The following CNKSR2 variants were observed in gnomAD, a reference collection of about 807,000 sequenced individuals.
CNKSR2 encodes connector enhancer of kinase suppressor of Ras 2.
CNKSR2 carries 14 observed loss-of-function variants against 84.4 expected under a neutral mutation model. The observed-to-expected ratio is 0.17, with a 90% CI of 0.11 to 0.26. CNKSR2 has a LOEUF of 0.26. Ranked by LOEUF, CNKSR2 falls within the 10% of genes least tolerant of loss-of-function variation. The pLI, the probability that CNKSR2 is intolerant of heterozygous loss-of-function variation, is 1.00. For synonymous variants in CNKSR2, 275 were observed against 277.9 expected (o/e 0.99, Z 0.10); for missense variants, 485 against 771.2 (o/e 0.63, Z 4.40).
chrX:21,471,281 A>T (rs1467967164), intron 5 of CNKSR2, among the ~76,000 whole-genome samples: 1 of 112,279 alleles, frequency 8.9e-6, no homozygotes, highest in Non-Finnish European at 1.9e-5. Context: ...TCAGTTAATG[A>T]CTTTACATAT....
chrX:21,569,826 A>G (rs2092270689), intron 13 of CNKSR2, among the ~76,000 whole-genome samples: 1 of 112,406 alleles, frequency 8.9e-6, no homozygotes, highest in East Asian at 2.8e-4. Flanking sequence ...TTAACCTTGT[A>G]CATCTCCAAC....
chrX:21,520,897 G>T (rs1465870140), intron 9 of CNKSR2, among the ~76,000 whole-genome samples: 1 of 109,725 alleles, frequency 9.1e-6, no homozygotes, highest in East Asian at 2.8e-4. Flanking sequence ...GTGATTTTGT[G>T]TTTTTCCATT....
chrX:21,416,534 A>G (rs1226906716), intron 1 of CNKSR2, among the ~76,000 whole-genome samples: 3 of 111,322 alleles, frequency 2.7e-5, no homozygotes, highest in Admixed American at 9.5e-5. Flanking sequence ...AATATTTGGT[A>G]GAGTTCACCT....
intron 4 of CNKSR2, among the ~76,000 whole-genome samples, chrX:21,467,760 A>T (rs1034890679): frequency 8.1e-5 from 9 of 110,804 alleles, no homozygotes; most frequent in Admixed American, 7.7e-4. Flanking sequence ...ATCACCTCAT[A>T]TATCTCCCTT....
intron 11 of CNKSR2, among the ~76,000 whole-genome samples, chrX:21,560,266 C>T (rs1334620766): frequency 9.0e-6 from 1 of 110,658 alleles, no homozygotes; most frequent in African/African-American, 3.3e-5. Context: ...GAGAGAGAAC[C>T]TCAAGAAACT....
In CNKSR2 at chrX:21,606,834, A is replaced by G. The variant is rs779095649; in HGVS notation, c.2100A>G (p.Gln700=). ...EEADTPSTPK[Q]DSPPPPYDTY... ...CAGATACTCCATCAACACCAAAACA[A>G]GATAGCCCTCCACCCCCATATGATA... Residue 700 remains glutamine, a synonymous_variant, in exon 19 of 22, where the codon CAA becomes CAG. Coordinates refer to ENST00000379510, the MANE Select transcript of CNKSR2 (RefSeq NM_014927.5). 87 of 1,200,343 alleles carry G rather than the reference A, an allele frequency of 7.2e-5. No homozygotes were observed. Among genetic ancestry groups the G allele is most frequent in the Middle Eastern group, 2.3e-4 (1 of 4,346 alleles).
At chrX:21,642,943 A>G (rs2092696321) in intron 20 of CNKSR2, 1 of 433,092 alleles carries the variant, frequency 2.3e-6, no homozygotes, top group Non-Finnish European at 2.9e-6. Context: ...GTATATAGAA[A>G]TCCATCAAAA....
chrX:21,406,085 G>A (rs914240239), intron 1 of CNKSR2, among the ~76,000 whole-genome samples: 4 of 111,224 alleles, frequency 3.6e-5, no homozygotes, highest in Non-Finnish European at 5.7e-5. Context: ...CGGCACAGCA[G>A]GAGGTGTGTG....
intron 1 of CNKSR2, among the ~76,000 whole-genome samples, chrX:21,412,501 G>A (rs892812082): frequency 1.2e-4 from 13 of 112,030 alleles, no homozygotes; most frequent in African/African-American, 3.9e-4. Context: ...AAAGATAGCC[G>A]TGTTAAGTCC....
At chrX:21,462,823 C>T (rs1425366864) in intron 4 of CNKSR2, among the ~76,000 whole-genome samples, 2 of 107,389 alleles carry the variant, frequency 1.9e-5, no homozygotes, top group Admixed American at 1.0e-4. Context: ...AAGTGATTCT[C>T]CTGCCTCACC....
intron 1 of CNKSR2, among the ~76,000 whole-genome samples, chrX:21,396,816 G>A (rs1308967110): frequency 9.0e-6 from 1 of 111,462 alleles, no homozygotes; most frequent in African/African-American, 3.3e-5. Flanking sequence ...AGCAAAATTA[G>A]TATGGCAAAT....
At chrX:21,563,566 G>C (rs774484228) in intron 13 of CNKSR2, 114 bp downstream of exon 13, 2 of 549,886 alleles carry the variant, frequency 3.6e-6, no homozygotes, top group Admixed American at 4.1e-5. Context: ...TCACAAAAGA[G>C]CCTAACTTTA....
chrX:21,469,662 G>A (rs2091173134), intron 4 of CNKSR2, among the ~76,000 whole-genome samples: 1 of 110,873 alleles, frequency 9.0e-6, no homozygotes, highest in African/African-American at 3.3e-5. Flanking sequence ...TGTAATCCCA[G>A]CACTTTGATC....
intron 20 of CNKSR2, among the ~76,000 whole-genome samples, chrX:21,618,635 CT>C (rs1295833088): frequency 3.6e-5 from 4 of 111,647 alleles, no homozygotes; most frequent in Non-Finnish European, 7.5e-5. Flanking sequence ...GACTTCAGAG[CT>C]TTTAGAGCCA....
chrX:21,641,500 T>C, intron 20 of CNKSR2: 1 of 1,169,676 alleles, frequency 8.5e-7, no homozygotes, highest in Non-Finnish European at 1.1e-6. Flanking sequence ...CGCAGGTCTT[T>C]CATCATATTG....
At chrX:21,529,899 G>A (rs186700903) in intron 10 of CNKSR2, among the ~76,000 whole-genome samples, 1 of 110,861 alleles carries the variant, frequency 9.0e-6, no homozygotes, top group Non-Finnish European at 1.9e-5. Flanking sequence ...GCCACAAGAT[G>A]TTTCCATATA....
At chrX:21,521,919 A>G (rs190560952) in intron 9 of CNKSR2, among the ~76,000 whole-genome samples, 49 of 110,985 alleles carry the variant, frequency 4.4e-4, no homozygotes, top group Admixed American at 1.4e-3. Context: ...AATTTTGAAT[A>G]TATGTATTTC....
At chrX:21,429,325 A>G (rs1601778194) in intron 2 of CNKSR2, 2 of 112,019 alleles carry the variant, frequency 1.8e-5, no homozygotes, top group African/African-American at 6.5e-5. Flanking sequence ...TTCTTGAGGT[A>G]GTCCTTTTTA....
At chrX:21,568,097 G>A (rs2092255442) in intron 13 of CNKSR2, among the ~76,000 whole-genome samples, 1 of 110,878 alleles carries the variant, frequency 9.0e-6, no homozygotes, top group African/African-American at 3.3e-5. Flanking sequence ...AGACCAACCT[G>A]GACAACATGT....
Sources: gnomAD v4.1 joint callset for allele counts (sites outside exome capture counted in the v4.1 genomes callset) on GRCh38, gnomAD v4.1.1 for gene constraint, MANE v1.5 for transcripts, NCBI Gene and HGNC (gene_info 2026-07-23, HGNC 2026-07-21) for gene names.